HTT: variants seen among roughly 807,000 people sequenced by gnomAD.
The protein encoded by HTT is huntington disease protein.
Under a neutral mutation model 362.3 loss-of-function variants are expected in HTT, and 104 were observed. The observed-to-expected ratio is 0.29, with a 90% confidence interval of 0.24 to 0.34. The LOEUF is 0.34. HTT is among the 10% of genes least tolerant of loss of function. HTT has a pLI of 1.00. For synonymous variants in HTT, 1,577 were observed against 1,548.7 expected (o/e 1.02, Z -0.43); for missense variants, 3,301 against 3,928.6 (o/e 0.84, Z 4.27).
intron 25 of HTT, 33 bp from the exon 26 acceptor site, chr4:3,147,972 G>T (rs1264858872): frequency 6.5e-7 from 1 of 1,544,614 alleles, no homozygotes; most frequent in Admixed American, 1.8e-5. Flanking sequence ...ATGCTATTGG[G>T]GTGGAGAGGT....
chr4:3,099,982 C>T (rs1714071072), intron 3 of HTT, among the ~76,000 whole-genome samples: 1 of 152,166 alleles, frequency 6.6e-6, no homozygotes, highest in African/African-American at 2.4e-5. Flanking sequence ...TGGAGATGCT[C>T]TGGTATCTGC....
At chr4:3,237,083 T>G (rs1721573733) in intron 64 of HTT, among the ~76,000 whole-genome samples, 1 of 152,178 alleles carries the variant, frequency 6.6e-6, no homozygotes, top group African/African-American at 2.4e-5. Context: ...TTTTTTTCTT[T>G]TCTTTTTGAG....
chr4:3,176,114 G>A (rs1395713581), intron 33 of HTT, among the ~76,000 whole-genome samples: 4 of 150,104 alleles, frequency 2.7e-5, no homozygotes, highest in Middle Eastern at 3.2e-3. Flanking sequence ...TGCCAGCTCC[G>A]CCTCAGAGGT....
At chr4:3,092,631 C>G (rs1010073061) in intron 2 of HTT, among the ~76,000 whole-genome samples, 2 of 152,220 alleles carry the variant, frequency 1.3e-5, no homozygotes, top group South Asian at 4.1e-4. Flanking sequence ...ATCCTCCCAC[C>G]TTGGCCTCCC....
At position 3,157,089 on chromosome 4, in the gene HTT, A is replaced by G; in HGVS notation, c.3643A>G (p.Thr1215Ala). ...EASAASRQSD[T>A]SGPVTTSKSS... ...TTTTAAAGCTTCTAGACAATCTGAT[A>G]CCTCAGGTCCTGTTACAACAAGTAA... Residue 1215 changes from threonine to alanine, a missense_variant, in exon 28 of 67, where the codon ACC becomes GCC. Around this residue, in one of 4 missense-constraint regions of HTT, gnomAD observed 2,316 missense variants for 2,658.5 expected, o/e 0.87. Coordinates refer to ENST00000355072, the MANE Select transcript of HTT (RefSeq NM_001388492.1). 4.4e-6 allele frequency: 7 copies of G among 1,607,518 alleles called. No homozygotes were observed. In the South Asian group the frequency reaches 7.8e-5, roughly 18 times the overall value.
At chr4:3,140,431 A>G (rs1220128058) in intron 21 of HTT, 79 bp from the exon 22 acceptor site, 9 of 1,272,530 alleles carry the variant, frequency 7.1e-6, no homozygotes, top group Non-Finnish European at 1.0e-5. Context: ...TGGCTTAGCC[A>G]TCTGCAGGGA....
chr4:3,229,164 CCA>C (rs756844527), intron 59 of HTT, among the ~76,000 whole-genome samples, 155 bp downstream of exon 59: 9 of 150,654 alleles, frequency 6.0e-5, no homozygotes, highest in Non-Finnish European at 8.9e-5. Context: ...ACCATAGACA[CCA>C]CACACACATG....
At chr4:3,144,982 G>T (rs886099704) in intron 23 of HTT, among the ~76,000 whole-genome samples, 170 bp from the exon 24 acceptor site, 2 of 152,196 alleles carry the variant, frequency 1.3e-5, no homozygotes, top group African/African-American at 4.8e-5. Context: ...CGTGTTTGAG[G>T]TGTCTAAAGT....
intron 23 of HTT, among the ~76,000 whole-genome samples, chr4:3,143,436 C>CAAAA (rs1056047426): frequency 2.8e-5 from 2 of 70,204 alleles, no homozygotes; most frequent in African/African-American, 5.7e-5. Flanking sequence ...GACTCTGTCT[C>CAAAA]AAAAAAAAAA....
At chr4:3,202,433 G>A (rs916267080) in intron 41 of HTT, among the ~76,000 whole-genome samples, 1 of 152,178 alleles carries the variant, frequency 6.6e-6, no homozygotes, top group African/African-American at 2.4e-5. Flanking sequence ...CACAATTACA[G>A]CTTGAGTGTA....
chr4:3,226,981 A>G (rs1484113908), intron 57 of HTT, among the ~76,000 whole-genome samples: 1 of 152,218 alleles, frequency 6.6e-6, no homozygotes, highest in African/African-American at 2.4e-5. Context: ...GACCAATAGG[A>G]TGCACTGTAT....
chr4:3,077,765 A>G (rs1712641312), intron 1 of HTT, among the ~76,000 whole-genome samples: 1 of 152,176 alleles, frequency 6.6e-6, no homozygotes, highest in African/African-American at 2.4e-5. Flanking sequence ...AATCAACTGC[A>G]TTAGGTTTAT....
chr4:3,079,317 C>G (rs149470267), intron 1 of HTT, among the ~76,000 whole-genome samples: 24 of 140,168 alleles, frequency 1.7e-4, no homozygotes, highest in African/African-American at 5.7e-4. Flanking sequence ...AATGCAGTAT[C>G]ACTATCGTAG....
intron 6 of HTT, among the ~76,000 whole-genome samples, chr4:3,107,837 A>G (rs1553911928): frequency 6.6e-6 from 1 of 152,180 alleles, no homozygotes; most frequent in Non-Finnish European, 1.5e-5. Context: ...GTGCATTCCA[A>G]CAAATCATCT....
chr4:3,142,840 C>G lies in HTT; in HGVS notation c.3020C>G (p.Ala1007Gly). 6.2e-7 allele frequency: 1 copy of G among 1,609,304 alleles called. No homozygotes were observed. The highest frequency in any genetic ancestry group is 8.5e-7 in the Non-Finnish European group (1 of 1,175,716). Reference sequence around the variant, plus strand: ...GAAAATAACCTTTCAAGAGTTATTGCAGCAGTTTCTCATGAACTAATCACA... The same window carrying G: ...GAAAATAACCTTTCAAGAGTTATTGGAGCAGTTTCTCATGAACTAATCACA... ...TMENNLSRVIAAVSHELITST... is the reference protein window; with the variant it reads ...TMENNLSRVIGAVSHELITST... The change falls in exon 23 of 67, where the codon GCA (alanine) becomes GGA (glycine). Residue 1007 changes from alanine (A) to glycine (G), a missense_variant. Physicochemically the swap from Ala to Gly is moderately conservative, Grantham distance 60. Transcript: ENST00000355072.
chr4:3,079,945 T>C (rs977183844), intron 1 of HTT, among the ~76,000 whole-genome samples: 1 of 152,198 alleles, frequency 6.6e-6, no homozygotes, highest in Non-Finnish European at 1.5e-5. Flanking sequence ...TATAACAATT[T>C]AGCAGTAGCT....
chr4:3,187,799 G>A lies in HTT; in HGVS notation c.5138G>A (p.Arg1713Lys). ...TTAATCTCCTGTACAGTAATTAATAGGTTAAGAGATGGGGACAGTACTTCA... is the reference window on the plus strand; with the variant it reads ...TTAATCTCCTGTACAGTAATTAATAAGTTAAGAGATGGGGACAGTACTTCA... Reference protein sequence around the residue: ...PYLISCTVINRLRDGDSTSTL... With the variant: ...PYLISCTVINKLRDGDSTSTL... The change falls in exon 39 of 67, where the codon AGG becomes AAG. Residue 1713 changes from arginine to lysine, a missense_variant. Arg to Lys is a conservative substitution (Grantham distance 26). Around this residue, in one of 4 missense-constraint regions of HTT, gnomAD observed 2,316 missense variants for 2,658.5 expected, o/e 0.87. Coordinates refer to ENST00000355072, the MANE Select transcript of HTT (RefSeq NM_001388492.1). 6.2e-7 allele frequency: 1 copy of A among 1,613,078 alleles called. No homozygotes were observed. The highest frequency in any genetic ancestry group is 8.5e-7 in the Non-Finnish European group (1 of 1,179,066).
intron 5 of HTT, among the ~76,000 whole-genome samples, chr4:3,105,941 C>G (rs971082434): frequency 1.3e-5 from 2 of 152,220 alleles, no homozygotes; most frequent in Non-Finnish European, 2.9e-5. Flanking sequence ...AGCAGGACCA[C>G]TTTTCATCAG....
intron 54 of HTT, among the ~76,000 whole-genome samples, 187 bp downstream of exon 54, chr4:3,222,674 C>T (rs1357384762): frequency 6.6e-6 from 1 of 152,170 alleles, no homozygotes; most frequent in Non-Finnish European, 1.5e-5. Flanking sequence ...GGTCTGGGGG[C>T]TGCGATTACC....
Sources: allele counts gnomAD v4.1 joint callset (sites outside exome capture counted in the v4.1 genomes callset), GRCh38; gene constraint gnomAD v4.1.1; regional missense constraint gnomAD v4.1.1; transcripts MANE v1.5; gene names NCBI Gene and HGNC (gene_info 2026-07-23, HGNC 2026-07-21).